FAM81A: variants seen among roughly 807,000 people sequenced by gnomAD.
FAM81A encodes protein FAM81A.
Under a neutral mutation model 46.7 loss-of-function variants are expected in FAM81A, and 19 were observed. That is an observed-to-expected ratio of 0.41 (90% CI 0.28 to 0.60). The LOEUF (loss-of-function observed/expected upper bound fraction) is 0.60, where lower values mean the gene tolerates loss of function less well. Ranked by LOEUF, FAM81A falls within the 20% of genes least tolerant of loss-of-function variation. The pLI, the probability that FAM81A is intolerant of heterozygous loss-of-function variation, is 0.34. For synonymous variants in FAM81A, 183 were observed against 152.9 expected (o/e 1.20, Z -1.45); for missense variants, 377 against 453.5 (o/e 0.83, Z 1.53).
At chr15:59,485,790 G>T (rs1329122900) in intron 3 of FAM81A, among the ~76,000 whole-genome samples, 7 of 152,200 alleles carry the variant, frequency 4.6e-5, no homozygotes, top group African/African-American at 1.7e-4. Flanking sequence ...CTTTTAGACA[G>T]AGAATTCAAA....
intron 4 of FAM81A, among the ~76,000 whole-genome samples, chr15:59,506,454 A>G (rs1393127238): frequency 6.6e-6 from 1 of 152,136 alleles, no homozygotes; most frequent in African/African-American, 2.4e-5. Context: ...CCCACCTTCT[A>G]GTGTGGTATT....
chr15:59,520,640 T>G (rs900007173), intron 8 of FAM81A, among the ~76,000 whole-genome samples: 6 of 150,850 alleles, frequency 4.0e-5, no homozygotes, highest in Non-Finnish European at 8.8e-5. Context: ...CTCAGCTCAC[T>G]GCAACGTCCG....
intron 3 of FAM81A, among the ~76,000 whole-genome samples, chr15:59,486,499 C>G (rs991932218): frequency 5.9e-5 from 9 of 151,616 alleles, no homozygotes; most frequent in Admixed American, 2.6e-4. Context: ...AGAGAACTTC[C>G]CAAACAAAAG....
At chr15:59,437,319 C>CG (rs1282730463), upstream of FAM81A, among the ~76,000 whole-genome samples, 51 of 151,726 alleles carry the variant, frequency 3.4e-4, no homozygotes, top group Non-Finnish European at 6.5e-4. Flanking sequence ...GTACCAGTAT[C>CG]TGCGAAGGAG....
intron 2 of FAM81A, among the ~76,000 whole-genome samples, chr15:59,404,937 C>T (rs2081087632): frequency 6.6e-6 from 1 of 152,218 alleles, no homozygotes; most frequent in East Asian, 1.9e-4. Flanking sequence ...ACCCTGCTTC[C>T]ATCTCACTCT....
At position 59,485,285 on chromosome 15, in the gene FAM81A, G is replaced by A. The variant is rs2081904357; in HGVS notation, c.295-6986G>A. Reference sequence around the variant, plus strand: ...GAGTGAACATACGGGTAGCCATGTAGTGATTACAGCAGGACTTGAGCAAGA... The same window carrying A: ...GAGTGAACATACGGGTAGCCATGTAATGATTACAGCAGGACTTGAGCAAGA... On this transcript the variant is annotated intron_variant, in intron 3 of 8. Coordinates refer to ENST00000288228, the MANE Select transcript of FAM81A (RefSeq NM_152450.3). Among the ~76,000 whole-genome samples the A allele has an allele frequency of 2.6e-5, 4 of 152,212 alleles. No individual in the cohort carries two copies. The South Asian group carries it at 8.3e-4, about 32-fold the overall frequency.
At chr15:59,486,864 C>T (rs1176023404) in intron 3 of FAM81A, among the ~76,000 whole-genome samples, 6 of 152,104 alleles carry the variant, frequency 3.9e-5, no homozygotes, top group Non-Finnish European at 5.9e-5. Flanking sequence ...AACACCAGGC[C>T]TGTCCTACAA....
chr15:59,427,363 A>G (rs1417724057), intron 2 of FAM81A, among the ~76,000 whole-genome samples: 2 of 151,956 alleles, frequency 1.3e-5, no homozygotes, highest in East Asian at 1.9e-4. Context: ...TGCTTGTCTC[A>G]GCCTCCCAAA....
At chr15:59,483,173 G>T (rs2141720073) in intron 3 of FAM81A, among the ~76,000 whole-genome samples, 1 of 152,210 alleles carries the variant, frequency 6.6e-6, no homozygotes. Flanking sequence ...GAGTAGCTGG[G>T]ACTACAGGTG....
At chr15:59,511,890 C>G (rs1221946929) in intron 6 of FAM81A, among the ~76,000 whole-genome samples, 1 of 152,116 alleles carries the variant, frequency 6.6e-6, no homozygotes, top group Non-Finnish European at 1.5e-5. Flanking sequence ...ACCTCGTGAT[C>G]TGCCCACCTC....
intron 3 of FAM81A, among the ~76,000 whole-genome samples, chr15:59,465,890 A>G (rs1333656029): frequency 6.6e-6 from 1 of 151,736 alleles, no homozygotes; most frequent in Non-Finnish European, 1.5e-5. Flanking sequence ...GTTCCCTGCC[A>G]TGTGTCCAAG....
chr15:59,400,199 C>T (rs2081064352), intron 1 of FAM81A, among the ~76,000 whole-genome samples: 1 of 152,116 alleles, frequency 6.6e-6, no homozygotes, highest in African/African-American at 2.4e-5. Context: ...CATTCCTCTT[C>T]AGTGTTCCTG....
intron 1 of FAM81A, among the ~76,000 whole-genome samples, chr15:59,400,991 G>A (rs2140461879): frequency 6.6e-6 from 1 of 152,314 alleles, no homozygotes; most frequent in Middle Eastern, 3.4e-3. Flanking sequence ...AAGGGAAAGT[G>A]ATCTTTTCTA....
chr15:59,408,871 GA>G (rs1183628830), intron 2 of FAM81A: 1 of 152,020 alleles, frequency 6.6e-6, no homozygotes, highest in Non-Finnish European at 1.5e-5. Context: ...AGAACAAAAT[GA>G]AGCCCTAAAT....
At chr15:59,513,231 T>C (rs2082231812) in intron 6 of FAM81A, among the ~76,000 whole-genome samples, 1 of 152,164 alleles carries the variant, frequency 6.6e-6, no homozygotes, top group South Asian at 2.1e-4. Flanking sequence ...ATTTTTCTTT[T>C]GATTTACATT....
At chr15:59,411,441 G>A (rs2081120155) in intron 2 of FAM81A, among the ~76,000 whole-genome samples, 1 of 152,202 alleles carries the variant, frequency 6.6e-6, no homozygotes, top group Non-Finnish European at 1.5e-5. Flanking sequence ...GAAACATGAA[G>A]AGGGGAAGTA....
In FAM81A at chr15:59,491,276, G is replaced by A. The variant is rs926300472; in HGVS notation, c.295-995G>A. Among the ~76,000 whole-genome samples, 7 of 152,150 alleles carry A rather than the reference G, an allele frequency of 4.6e-5. No homozygotes were observed. The East Asian group carries it at 5.8e-4, about 13-fold the overall frequency. On this transcript the variant is annotated intron_variant, in intron 3 of 8. Coordinates refer to ENST00000288228, the MANE Select transcript of FAM81A (RefSeq NM_152450.3). Reference sequence around the variant, plus strand: ...TCATTTGCAAAAACATGGATAGAACGAGAGGTCATTATGTTAAGTGAAATG... The same window carrying A: ...TCATTTGCAAAAACATGGATAGAACAAGAGGTCATTATGTTAAGTGAAATG...
chr15:59,495,916 T>C (rs2082028460), intron 4 of FAM81A, among the ~76,000 whole-genome samples: 1 of 152,334 alleles, frequency 6.6e-6, no homozygotes, highest in East Asian at 1.9e-4. Flanking sequence ...ATATTCTAGA[T>C]ATAATTCCCT....
upstream of FAM81A, among the ~76,000 whole-genome samples, chr15:59,434,341 C>T (rs533323506): frequency 7.0e-4 from 107 of 152,314 alleles, no homozygotes; most frequent in African/African-American, 2.6e-3. Context: ...CTACAGATCT[C>T]TATGGATATT....
Sources: allele counts gnomAD v4.1 joint callset (sites outside exome capture counted in the v4.1 genomes callset), GRCh38; gene constraint gnomAD v4.1.1; transcripts MANE v1.5; gene names NCBI Gene and HGNC (gene_info 2026-07-23, HGNC 2026-07-21).